The following SLC35F1 variants were observed in gnomAD, a reference collection of about 807,000 sequenced individuals.
The protein encoded by SLC35F1 is solute carrier family 35 member F1, also known as chromosome 6 open reading frame 169.
A neutral mutation model predicts 48.7 loss-of-function variants in SLC35F1; 14 were observed. That is an observed-to-expected ratio of 0.29 (90% CI 0.19 to 0.45). The LOEUF (loss-of-function observed/expected upper bound fraction) is 0.45, where lower values mean the gene tolerates loss of function less well. SLC35F1 is among the 20% of genes least tolerant of loss of function. SLC35F1 has a pLI of 1.00. For synonymous variants in SLC35F1, 190 were observed against 202.2 expected (o/e 0.94, Z 0.51); for missense variants, 404 against 500.0 (o/e 0.81, Z 1.83).
chr6:118,131,848 A>G (rs758842438), intron 1 of SLC35F1, among the ~76,000 whole-genome samples: 44 of 151,886 alleles, frequency 2.9e-4, no homozygotes, highest in Non-Finnish European at 5.0e-4. Context: ...AGTAATATAT[A>G]TCACCCTACT....
chr6:118,058,622 T>C (rs192403245), intron 1 of SLC35F1, among the ~76,000 whole-genome samples: 1 of 152,338 alleles, frequency 6.6e-6, no homozygotes, highest in East Asian at 1.9e-4. Flanking sequence ...TAGCTTGAAA[T>C]AGTCAACTTA....
Position 117,907,285 on chromosome 6 carries a change from G to A in SLC35F1, c.-442G>A, listed in dbSNP as rs1250630700. Among the ~76,000 whole-genome samples the A allele has an allele frequency of 2.7e-5, 4 of 150,582 alleles. No homozygotes were observed. The highest frequency in any genetic ancestry group is 5.9e-5 in the Non-Finnish European group (4 of 67,646). On this transcript the variant is annotated 5_prime_UTR_variant, in exon 1 of 8. Coordinates refer to ENST00000360388, the MANE Select transcript of SLC35F1 (RefSeq NM_001029858.4). ...AGACACAGACGGTAGCTTTCCGACCGAGCGGGGCACAGGCTGAGGCGGCGC... is the reference window on the plus strand; with the variant it reads ...AGACACAGACGGTAGCTTTCCGACCAAGCGGGGCACAGGCTGAGGCGGCGC...
intron 3 of SLC35F1, among the ~76,000 whole-genome samples, chr6:118,258,895 A>G (rs1775678165): frequency 6.6e-6 from 1 of 151,978 alleles, no homozygotes; most frequent in South Asian, 2.1e-4. Flanking sequence ...AAAATTTTAA[A>G]TGTTAAAAAA....
intron 1 of SLC35F1, among the ~76,000 whole-genome samples, chr6:118,135,301 ATT>A (rs1357266313): frequency 6.6e-6 from 1 of 152,216 alleles, no homozygotes; most frequent in East Asian, 1.9e-4. Flanking sequence ...CTTCAGAATC[ATT>A]CTCTGGGTTA....
At chr6:118,015,709 T>A (rs1777311604) in intron 1 of SLC35F1, among the ~76,000 whole-genome samples, 2 of 152,212 alleles carry the variant, frequency 1.3e-5, no homozygotes, top group South Asian at 4.1e-4. Context: ...TTCTCCATTT[T>A]TGACCACAAC....
At chr6:118,174,490 C>A (rs1774457056) in intron 2 of SLC35F1, among the ~76,000 whole-genome samples, 2 of 151,952 alleles carry the variant, frequency 1.3e-5, no homozygotes, top group South Asian at 4.2e-4. Context: ...CACAAGGTAT[C>A]CAGTTAAAAC....
At chr6:118,019,508 G>T (rs1225289449) in intron 1 of SLC35F1, among the ~76,000 whole-genome samples, 1 of 152,146 alleles carries the variant, frequency 6.6e-6, no homozygotes, top group Non-Finnish European at 1.5e-5. Context: ...TATAGTCGCA[G>T]CTACTGGGAA....
chr6:118,108,250 G>A (rs1160456489), intron 1 of SLC35F1, among the ~76,000 whole-genome samples: 1 of 152,130 alleles, frequency 6.6e-6, no homozygotes, highest in African/African-American at 2.4e-5. Flanking sequence ...TAACTGTACA[G>A]GTTTGCTAGT....
chr6:117,979,603 C>A (rs528903318), intron 1 of SLC35F1, among the ~76,000 whole-genome samples: 8 of 152,252 alleles, frequency 5.3e-5, no homozygotes, highest in African/African-American at 1.7e-4. Context: ...TGTGTTCTGC[C>A]TTTACATCAA....
At chr6:117,920,810 T>C (rs80190184) in intron 1 of SLC35F1, among the ~76,000 whole-genome samples, 2,942 of 152,236 alleles carry the variant, frequency 0.019, 40 homozygotes, top group Non-Finnish European at 0.032. Flanking sequence ...GTCATAACTG[T>C]CTCTGGAAAT....
At chr6:117,920,856 T>C (rs1775888405) in intron 1 of SLC35F1, among the ~76,000 whole-genome samples, 1 of 152,122 alleles carries the variant, frequency 6.6e-6, no homozygotes, top group Admixed American at 6.5e-5. Context: ...CTGAAGATGA[T>C]CGATCCATGA....
chr6:117,949,673 A>G (rs374631118), intron 1 of SLC35F1, among the ~76,000 whole-genome samples: 1 of 152,152 alleles, frequency 6.6e-6, no homozygotes, highest in Non-Finnish European at 1.5e-5. Flanking sequence ...GGTTGGACAC[A>G]GTTTGAATAT....
At chr6:118,189,929 T>A (rs541100532) in intron 2 of SLC35F1, among the ~76,000 whole-genome samples, 1 of 152,350 alleles carries the variant, frequency 6.6e-6, no homozygotes, top group East Asian at 1.9e-4. Flanking sequence ...TTGAAGTATG[T>A]CTGCTGGGAT....
At chr6:118,296,250 A>C (rs1776182396) in intron 7 of SLC35F1, among the ~76,000 whole-genome samples, 1 of 152,224 alleles carries the variant, frequency 6.6e-6, no homozygotes, top group South Asian at 2.1e-4. Flanking sequence ...CCATAAACCC[A>C]AAATAGTTAC....
chr6:118,095,079 C>T (rs1197855523), intron 1 of SLC35F1, among the ~76,000 whole-genome samples: 1 of 152,128 alleles, frequency 6.6e-6, no homozygotes, highest in Non-Finnish European at 1.5e-5. Context: ...CTGCAGTGAG[C>T]CAAGATTGTG....
chr6:118,250,344 A>C (rs1775557243), intron 3 of SLC35F1, among the ~76,000 whole-genome samples: 1 of 152,232 alleles, frequency 6.6e-6, no homozygotes, highest in African/African-American at 2.4e-5. Context: ...ATTTTGTGAG[A>C]TAGTGCCTAC....
chr6:117,929,762 A>T (rs149072602), intron 1 of SLC35F1, among the ~76,000 whole-genome samples: 1 of 152,268 alleles, frequency 6.6e-6, no homozygotes, highest in Admixed American at 6.5e-5. Flanking sequence ...AGCTAATGAC[A>T]TCTATAAAAT....
chr6:117,941,746 T>C (rs552810629), intron 1 of SLC35F1, among the ~76,000 whole-genome samples: 4 of 152,360 alleles, frequency 2.6e-5, no homozygotes, highest in Admixed American at 1.3e-4. Flanking sequence ...TGAGCCTATA[T>C]TTAAACACCA....
At chr6:118,184,576 C>T (rs1044985147) in intron 2 of SLC35F1, among the ~76,000 whole-genome samples, 3 of 152,206 alleles carry the variant, frequency 2.0e-5, no homozygotes, top group East Asian at 3.9e-4. Context: ...AACTGTCTTT[C>T]GAGTCTTTCA....
Sources: allele counts gnomAD v4.1 joint callset (sites outside exome capture counted in the v4.1 genomes callset), GRCh38; gene constraint gnomAD v4.1.1; transcripts MANE v1.5; gene names NCBI Gene and HGNC (gene_info 2026-07-23, HGNC 2026-07-21).